Variants in KIF18B observed in about 807,000 individuals in gnomAD.
KIF18B encodes kinesin family member 18B, also known as kinesin-like protein KIF18B.
A neutral mutation model predicts 80.9 loss-of-function variants in KIF18B; 49 were observed. The observed-to-expected ratio is 0.61, with a 90% CI of 0.48 to 0.77. The LOEUF is 0.77. Among genes scored for constraint, KIF18B ranks in the 30% least tolerant of loss-of-function variants. The pLI, the probability that KIF18B is intolerant of heterozygous loss-of-function variation, is 0.00. For missense variants in KIF18B, 994 were observed against 1,127.7 expected, an observed-to-expected ratio of 0.88 and a Z score of 1.70; for synonymous variants, 439 against 463.9, an observed-to-expected ratio of 0.95 and a Z score of 0.69.
rs753116000 is a variant in KIF18B, at chr17:44,932,034, G to A, written c.1389+22C>T. Reference sequence around the variant, plus strand: ...AGCTCCAAGCCCTCCCGATACCCAGGCCTCACACCCCCAAGTCCTACCTCC... The same window carrying A: ...AGCTCCAAGCCCTCCCGATACCCAGACCTCACACCCCCAAGTCCTACCTCC... On this transcript the variant is annotated intron_variant, in intron 10 of 15. Coordinates refer to ENST00000593135, the MANE Select transcript of KIF18B (RefSeq NM_001265577.2). 3.8e-6 allele frequency: 6 copies of A among 1,591,808 alleles called. No homozygotes were observed. The East Asian group carries it at 9.0e-5, about 24-fold the overall frequency.
In KIF18B at chr17:44,925,619, AAAAAGACG is replaced by A. The variant is rs1292537066; in HGVS notation, c.*453_*460del. 4.7e-6 allele frequency: 1 copy of A among 211,118 alleles called. No individual in the cohort carries two copies. Among genetic ancestry groups the A allele is most frequent in the Non-Finnish European group, 9.3e-6 (1 of 106,994 alleles). The allele number at this position is 211,118 out of a possible 1,614,324, so 13.1% of individuals were successfully genotyped here. A position where few individuals can be genotyped will look rare whatever the true frequency, so the allele number is the denominator to read the frequency against. On this transcript the variant is annotated 3_prime_UTR_variant, in exon 16 of 16. Transcript: ENST00000593135. ...AACATGGAAAAACCCCCTCTCTATT[AAAAAGACG>A]AAAATTAGCTGGGTGTGGTGATGGG... is the stretch of plus-strand genomic sequence containing the variant.
Position 44,928,542 on chromosome 17 carries a change from C to T in KIF18B, c.1760G>A (p.Gly587Glu), listed in dbSNP as rs2145674204. ...VPSPLCPEPPGYTGPVTRTMA... is the reference protein window; with the variant it reads ...VPSPLCPEPPEYTGPVTRTMA... ...AGTCCGGGTCACAGGGCCAGTGTATCCTGGAGGCTCTGGGCAGAGAGGAGA... is the reference window on the plus strand; with the variant it reads ...AGTCCGGGTCACAGGGCCAGTGTATTCTGGAGGCTCTGGGCAGAGAGGAGA... The change falls in exon 13 of 16, where the codon GGA (glycine) becomes GAA (glutamate). Residue 587 changes from glycine to glutamate, a missense_variant. Coordinates refer to ENST00000593135, the MANE Select transcript of KIF18B (RefSeq NM_001265577.2). 1 of 1,460,374 alleles carries T rather than the reference C, an allele frequency of 6.8e-7. No homozygotes were observed. The highest frequency in any genetic ancestry group is 9.0e-7 in the Non-Finnish European group (1 of 1,113,218). The allele number at this position is 1,460,374 out of a possible 1,614,324, so 90.5% of individuals were successfully genotyped here.
rs1386817156 is a variant in KIF18B, at chr17:44,928,924, G to A, written c.1618C>T (p.Gln540Ter). 2 of 1,614,002 alleles carry A rather than the reference G, an allele frequency of 1.2e-6. No individual in the cohort carries two copies. The highest frequency in any genetic ancestry group is 1.7e-5 in the Admixed American group (1 of 60,022). Residue 540 changes from glutamine to a stop codon, truncating the protein, a stop_gained, in exon 12 of 16, where the codon CAG (glutamine) becomes TAG (stop). Coordinates refer to ENST00000593135, the MANE Select transcript of KIF18B (RefSeq NM_001265577.2). LOFTEE classifies it high-confidence loss of function. ...ATTTTTTCCTCTTGCACCAGCTGCT[G>A]TAGGGTCTCAAACTCTGTGATCATG... ...PDMITEFETL[Q>*]QLVQEEKIEP...
At position 44,936,282 on chromosome 17, in the gene KIF18B, C is replaced by T; in HGVS notation, c.63G>A (p.Glu21=). ...CCACTGGCCGCCGCTGACTGTCCAG[C>T]TCCCGAGGGGTGGGGGGCCGCACCC... ...VVRVRPPTPR[E]LDSQRRPVVQ... is the part of the protein sequence containing the mutation. The change falls in exon 2 of 16, where the codon GAG becomes GAA. Residue 21 remains glutamate, a synonymous_variant. Transcript: ENST00000593135. 1 of 1,610,978 alleles carries T rather than the reference C, an allele frequency of 6.2e-7. No individual in the cohort carries two copies. Among genetic ancestry groups the T allele is most frequent in the Middle Eastern group, 1.7e-4 (1 of 6,044 alleles).
rs1158034446 is a variant in KIF18B at position 44,931,503 on chromosome 17, AG to A, written c.1517+98del. 2.7e-6 allele frequency: 4 copies of A among 1,499,836 alleles called. No individual in the cohort carries two copies. The African/African-American group carries it at 5.5e-5, about 21-fold the overall frequency. 92.9% of individuals were successfully genotyped at this position (1,499,836 alleles called of 1,614,324 possible). The stretch of plus-strand genomic sequence containing the variant: ...TAAAGGACAGTGCTGATGAAGAGAC[AG>A]GGCTTTTGTGATGTGCTTAACACCA... On this transcript the variant is annotated intron_variant, in intron 11 of 15. Transcript: ENST00000593135.
rs567311715 is a variant in KIF18B, at chr17:44,928,768, C to T, written c.1723+51G>A. 28 of 1,579,800 alleles carry T rather than the reference C, an allele frequency of 1.8e-5. No individual in the cohort carries two copies. The East Asian group carries it at 5.9e-4, about 33-fold the overall frequency. ...GGACACCCCTTGGCCCCAGTGGGGC[C>T]TTGAAGACAGCACCTTGAAGACAGG... On this transcript the variant is annotated intron_variant, in intron 12 of 15. Coordinates refer to ENST00000593135, the MANE Select transcript of KIF18B (RefSeq NM_001265577.2).
rs372923554 is a variant in KIF18B, at chr17:44,929,515, C to T, written c.1518-491G>A. Among the ~76,000 whole-genome samples, 139 of 152,314 alleles carry T rather than the reference C, an allele frequency of 9.1e-4. 5 individuals are homozygous for T. In the South Asian group the frequency reaches 0.028, roughly 30 times the overall value. Reference sequence around the variant, plus strand: ...TCCCAGCTGTGTGATCTTGGATGCACTGGTTAACCTCAGTCTCCACAACCT... The same window carrying T: ...TCCCAGCTGTGTGATCTTGGATGCATTGGTTAACCTCAGTCTCCACAACCT... On this transcript the variant is annotated intron_variant, in intron 11 of 15. Coordinates refer to ENST00000593135, the MANE Select transcript of KIF18B (RefSeq NM_001265577.2).
Position 44,934,131 on chromosome 17 carries a change from C to T in KIF18B, c.886-32G>A, listed in dbSNP as rs752309198. On this transcript the variant is annotated intron_variant, in intron 6 of 15. Coordinates refer to ENST00000593135, the MANE Select transcript of KIF18B (RefSeq NM_001265577.2). The surrounding 1 kb of genome is among the most constrained non-coding windows in gnomAD (Gnocchi z 5.4). Reference sequence around the variant, plus strand: ...GGCAGTAAGCAGGTGTGGGGTGAGGCGACTGATGGCACTGACCCAGGATGG... The same window carrying T: ...GGCAGTAAGCAGGTGTGGGGTGAGGTGACTGATGGCACTGACCCAGGATGG... 18 of 1,606,880 alleles carry T rather than the reference C, an allele frequency of 1.1e-5. No homozygotes were observed. Among genetic ancestry groups the T allele is most frequent in the South Asian group, 6.7e-5 (6 of 90,130 alleles).
At chr17:44,945,256 T>C (rs982439729) in intron 1 of KIF18B, among the ~76,000 whole-genome samples, 2 of 152,206 alleles carry the variant, frequency 1.3e-5, no homozygotes, top group African/African-American at 4.8e-5. Flanking sequence ...AGATGGGGTT[T>C]CACCATATTG....
intron 7 of KIF18B, 23 bp from the exon 8 acceptor site, chr17:44,933,009 GATTT>G (rs1171964238): frequency 3.1e-6 from 5 of 1,591,960 alleles, no homozygotes; most frequent in Non-Finnish European, 4.3e-6. Context: ...ACAGGAGAGA[GATTT>G]ATTTGTTCAT....
Position 44,931,659 on chromosome 17 carries a change from G to C in KIF18B, c.1460C>G (p.Pro487Arg). 2 of 1,614,008 alleles carry C rather than the reference G, an allele frequency of 1.2e-6. No homozygotes were observed. The highest frequency in any genetic ancestry group is 8.5e-7 in the Non-Finnish European group (1 of 1,179,898). The change falls in exon 11 of 16, where the codon CCC becomes CGC. Residue 487 changes from proline (P) to arginine (R), a missense_variant. Pro to Arg is a moderately radical substitution (Grantham distance 103). Coordinates refer to ENST00000593135, the MANE Select transcript of KIF18B (RefSeq NM_001265577.2). Reference sequence around the variant, plus strand: ...TGAGAAGTGGCCCACGACTGGCTTGGGCTGCAGGGTCAGGCGAGGGGACTC... The same window carrying C: ...TGAGAAGTGGCCCACGACTGGCTTGCGCTGCAGGGTCAGGCGAGGGGACTC... The part of the protein sequence containing the change: ...LPESPRLTLQ[P>R]KPVVGHFSAR...
Position 44,933,862 on chromosome 17 carries a change from C to A in KIF18B, c.1062+61G>T. The stretch of plus-strand genomic sequence containing the variant: ...ATCTATTGGAGCTGCCTGGGTCCCA[C>A]CCTTTCCTGCTCCCCGGCTGGAGCT... On this transcript the variant is annotated intron_variant, in intron 7 of 15. Coordinates refer to ENST00000593135, the MANE Select transcript of KIF18B (RefSeq NM_001265577.2). 5 of 1,475,672 alleles carry A rather than the reference C, an allele frequency of 3.4e-6. No individual in the cohort carries two copies. The South Asian group carries it at 6.4e-5, about 19-fold the overall frequency. 91.4% of individuals were successfully genotyped at this position (1,475,672 alleles called of 1,614,324 possible). A position where few individuals can be genotyped will look rare whatever the true frequency, so the allele number is the denominator to read the frequency against.
chr17:44,937,612 T>A (rs1407231343), intron 1 of KIF18B, among the ~76,000 whole-genome samples: 1 of 152,214 alleles, frequency 6.6e-6, no homozygotes, highest in African/African-American at 2.4e-5. Flanking sequence ...ATATCTACCA[T>A]CCCCAAACTC....
intron 1 of KIF18B, among the ~76,000 whole-genome samples, chr17:44,944,164 C>T (rs2052468677): frequency 6.6e-6 from 1 of 152,196 alleles, no homozygotes; most frequent in Non-Finnish European, 1.5e-5. Context: ...TTTTTAAATA[C>T]ATAACTGGTT....
chr17:44,934,197 C>T lies in KIF18B; in HGVS notation c.885+36G>A, dbSNP rs780440189. On this transcript the variant is annotated intron_variant, in intron 6 of 15. Transcript: ENST00000593135. The surrounding 1 kb of genome is among the most constrained non-coding windows in gnomAD (Gnocchi z 5.4). ...GGCCCTGGGTTCAGGTGCTCAGTTG[C>T]TATCCTGGGGAGAATACTGGCCTGT... 5.0e-6 allele frequency: 8 copies of T among 1,595,806 alleles called. No homozygotes were observed. In the East Asian group the frequency reaches 6.7e-5, roughly 13 times the overall value.
At position 44,947,113 on chromosome 17, in the gene KIF18B, C is replaced by CAAAAAAA. The variant is rs57955845; in HGVS notation, c.-15+508_-15+514dup. Among the ~76,000 whole-genome samples the CAAAAAAA allele has an allele frequency of 1.4e-3, 76 of 54,006 alleles. 4 individuals are homozygous for CAAAAAAA. The highest frequency in any genetic ancestry group is 4.3e-3 in the African/African-American group (66 of 15,386). 35.4% of individuals were successfully genotyped at this position (54,006 alleles called of 152,430 possible). ...GACAGAGAGAGAGAGACTCCATCTCCAAAAAAAAAAAAAAAAAAAAAAAAA... is the reference window on the plus strand; with the variant it reads ...GACAGAGAGAGAGAGACTCCATCTCCAAAAAAAAAAAAAAAAAAAAAAAAAAAAAAAA... On this transcript the variant is annotated intron_variant, in intron 1 of 15. Transcript: ENST00000593135.
chr17:44,934,894 C>G lies in KIF18B; in HGVS notation c.513G>C (p.Gly171=). 8.4e-6 allele frequency: 13 copies of G among 1,551,856 alleles called. No individual in the cohort carries two copies. Among genetic ancestry groups the G allele is most frequent in the Non-Finnish European group, 1.1e-5 (13 of 1,146,732 alleles). ...EQIHDLLEPK[G]PLAIREDPDK... ...CGGGGTCCTCGCGGATGGCAAGGGG[C>G]CCCTTGGGCTCCAGGAGGTCATGGA... The change falls in exon 4 of 16, where the codon GGG becomes GGC. Residue 171 remains glycine (G), a synonymous_variant. Coordinates refer to ENST00000593135, the MANE Select transcript of KIF18B (RefSeq NM_001265577.2). This position sits in a 1 kb window ranked among gnomAD's most constrained non-coding sequence, Gnocchi z 5.4.
chr17:44,931,094 A>G (rs2052136054), intron 11 of KIF18B, among the ~76,000 whole-genome samples: 1 of 152,176 alleles, frequency 6.6e-6, no homozygotes, highest in Non-Finnish European at 1.5e-5. Context: ...CTTTCTATGA[A>G]GCATAGAAAG....
intron 1 of KIF18B, among the ~76,000 whole-genome samples, chr17:44,937,527 C>T (rs2052333799): frequency 6.6e-6 from 1 of 152,168 alleles, no homozygotes; most frequent in Admixed American, 6.5e-5. Context: ...GTGGATGGAA[C>T]ACTTTTCCCC....
Sources: gnomAD v4.1 joint callset for allele counts (sites outside exome capture counted in the v4.1 genomes callset) on GRCh38, gnomAD v4.1.1 for gene constraint, Gnocchi (gnomAD v3.1) non-coding constraint, MANE v1.5 for transcripts, NCBI Gene and HGNC (gene_info 2026-07-23, HGNC 2026-07-21) for gene names.